The following PCDHGA4 variants were observed in gnomAD, a reference collection of about 807,000 sequenced individuals.
The protein encoded by PCDHGA4 is protocadherin gamma-A4.
PCDHGA4 carries 38 observed loss-of-function variants against 54.6 expected under a neutral mutation model. The observed-to-expected ratio is 0.70, with a 90% CI of 0.54 to 0.91. The LOEUF (loss-of-function observed/expected upper bound fraction) is 0.91. Ranked by LOEUF, PCDHGA4 falls within the 40% of genes least tolerant of loss-of-function variation. PCDHGA4 has a pLI of 0.00. For synonymous variants in PCDHGA4, 511 were observed against 512.9 expected, an observed-to-expected ratio of 1.00 and a Z score of 0.05; for missense variants, 1,298 against 1,220.9, an observed-to-expected ratio of 1.06 and a Z score of -0.94.
intron 1 of PCDHGA4, chr5:141,366,009 C>T (rs750100968): frequency 6.2e-6 from 10 of 1,614,108 alleles, no homozygotes; most frequent in African/African-American, 2.7e-5. Flanking sequence ...GACAATACGC[C>T]TGAGATCCTG....
At position 141,432,394 on chromosome 5, in the gene PCDHGA4, C is replaced by G; in HGVS notation, c.2515-62413C>G. 1 of 1,614,260 alleles carries G rather than the reference C, an allele frequency of 6.2e-7. No individual in the cohort carries two copies. The highest frequency in any genetic ancestry group is 8.5e-7 in the Non-Finnish European group (1 of 1,180,050). On this transcript the variant is annotated intron_variant, in intron 1 of 3. Transcript: ENST00000571252. This position sits in a 1 kb window ranked among gnomAD's most constrained non-coding sequence, Gnocchi z 6.0. The stretch of plus-strand genomic sequence containing the variant: ...ACGGGCACCCGCCCCTCAGCAGCAA[C>G]GTGTCGTTGAGCCTGTTCGTGCTGG...
Position 141,356,187 on chromosome 5 carries a change from T to A in PCDHGA4, c.1080T>A (p.Ala360=). Residue 360 remains alanine, a synonymous_variant, in exon 1 of 4, where the codon GCT becomes GCA. Coordinates refer to ENST00000571252, the MANE Select transcript of PCDHGA4 (RefSeq NM_018917.4). The part of the protein sequence containing the change: ...VEAHDGPGLR[A]RSKVLVTVLD... ...CCCATGATGGGCCTGGTCTCCGAGCTAGAAGCAAGGTACTGGTGACAGTTC... is the reference window on the plus strand; with the variant it reads ...CCCATGATGGGCCTGGTCTCCGAGCAAGAAGCAAGGTACTGGTGACAGTTC... 1 of 1,611,210 alleles carries A rather than the reference T, an allele frequency of 6.2e-7. No individual in the cohort carries two copies. Among genetic ancestry groups the A allele is most frequent in the Non-Finnish European group, 8.5e-7 (1 of 1,178,498 alleles).
chr5:141,421,272 G>A, intron 1 of PCDHGA4: 1 of 1,612,340 alleles, frequency 6.2e-7, no homozygotes, highest in Non-Finnish European at 8.5e-7. Context: ...GGCTGCTGCT[G>A]CTGCTGTGCA....
At position 141,494,854 on chromosome 5, in the gene PCDHGA4, C is replaced by T. The variant is rs1353498253; in HGVS notation, c.2562C>T (p.Pro854=). ...TDWRFSQAQR[P]GTSGSQNGDD... The stretch of plus-strand genomic sequence containing the variant: ...GGCGTTTCTCTCAGGCCCAGAGACC[C>T]GGCACCAGCGGGTAGGTGACTGATT... The change falls in exon 2 of 4, where the codon CCC becomes CCT. Residue 854 remains proline (P), a synonymous_variant. Coordinates refer to ENST00000571252, the MANE Select transcript of PCDHGA4 (RefSeq NM_018917.4). 1.2e-6 allele frequency: 2 copies of T among 1,614,120 alleles called. No homozygotes were observed. Among genetic ancestry groups the T allele is most frequent in the East Asian group, 2.2e-5 (1 of 44,870 alleles).
intron 1 of PCDHGA4, chr5:141,362,322 T>A (rs369360424): frequency 5.1e-5 from 83 of 1,614,066 alleles, no homozygotes; most frequent in Admixed American, 1.3e-4. Context: ...GTTTTCAGCC[T>A]GGTCTCAGCT....
intron 1 of PCDHGA4, among the ~76,000 whole-genome samples, chr5:141,466,735 T>C (rs2099128254): frequency 6.6e-6 from 1 of 152,224 alleles, no homozygotes; most frequent in South Asian, 2.1e-4. Context: ...GCAGAATTCA[T>C]GTTACTCTGA....
Position 141,485,790 on chromosome 5 carries a change from C to G in PCDHGA4, c.2515-9017C>G. 6.2e-7 allele frequency: 1 copy of G among 1,614,204 alleles called. No homozygotes were observed. The highest frequency in any genetic ancestry group is 8.5e-7 in the Non-Finnish European group (1 of 1,180,032). ...AAGCCTTTGGATCGAGAGAAGCAAT[C>G]GGACTACCGCCTGGTGCTGACTGCT... On this transcript the variant is annotated intron_variant, in intron 1 of 3. Transcript: ENST00000571252. This position sits in a 1 kb window ranked among gnomAD's most constrained non-coding sequence, Gnocchi z 5.7.
chr5:141,387,736 A>C, intron 1 of PCDHGA4: 3 of 1,307,572 alleles, frequency 2.3e-6, no homozygotes, highest in East Asian at 2.5e-5. Flanking sequence ...GCCAGCCTTT[A>C]CACCGCTTCC....
At position 141,489,586 on chromosome 5, in the gene PCDHGA4, C is replaced by T; in HGVS notation, c.2515-5221C>T. 1 of 1,614,082 alleles carries T rather than the reference C, an allele frequency of 6.2e-7. No individual in the cohort carries two copies. The highest frequency in any genetic ancestry group is 8.5e-7 in the Non-Finnish European group (1 of 1,179,988). On this transcript the variant is annotated intron_variant, in intron 1 of 3. Coordinates refer to ENST00000571252, the MANE Select transcript of PCDHGA4 (RefSeq NM_018917.4). This position sits in a 1 kb window ranked among gnomAD's most constrained non-coding sequence, Gnocchi z 4.5. ...GGTGGTGACTGAACACCCCCTGGAG[C>T]TAATCCGTGTAGAGGTAGAGATCCT...
chr5:141,416,747 T>A (rs920641906), intron 1 of PCDHGA4: 2 of 152,240 alleles, frequency 1.3e-5, no homozygotes, highest in African/African-American at 4.8e-5. Flanking sequence ...AATAGTGACG[T>A]ATTAGGTAGA....
intron 1 of PCDHGA4, chr5:141,366,989 A>G (rs546484165): frequency 2.1e-6 from 1 of 480,916 alleles, no homozygotes; most frequent in African/African-American, 2.0e-5. Flanking sequence ...GAAAGTGGTT[A>G]AATATAATCA....
chr5:141,402,281 C>A (rs1589453227), intron 1 of PCDHGA4, among the ~76,000 whole-genome samples: 1 of 151,846 alleles, frequency 6.6e-6, no homozygotes, highest in African/African-American at 2.4e-5. Flanking sequence ...AGTGGATAAT[C>A]TATCCTTATA....
intron 1 of PCDHGA4, chr5:141,389,495 G>A (rs751415442): frequency 4.3e-6 from 7 of 1,613,020 alleles, no homozygotes; most frequent in Non-Finnish European, 5.9e-6. Context: ...ACCAGGGCTC[G>A]CCAGCGCTCA....
intron 1 of PCDHGA4, chr5:141,374,617 C>A (rs981307720): frequency 3.7e-6 from 6 of 1,613,400 alleles, no homozygotes; most frequent in African/African-American, 1.3e-5. Flanking sequence ...ATAGTCACTT[C>A]TCAGTGGACG....
chr5:141,378,356 C>G (rs1244158802), intron 1 of PCDHGA4: 2 of 152,218 alleles, frequency 1.3e-5, no homozygotes, highest in African/African-American at 4.8e-5. Flanking sequence ...AACCCCGTCT[C>G]TACTAAAAAT....
At chr5:141,362,420 A>T in intron 1 of PCDHGA4, 1 of 1,614,046 alleles carries the variant, frequency 6.2e-7, no homozygotes, top group Non-Finnish European at 8.5e-7. Context: ...CAATCAGCCA[A>T]GACAGAGTTC....
chr5:141,355,674 T>C lies in PCDHGA4; in HGVS notation c.567T>C (p.Phe189=). 1 of 1,614,040 alleles carries C rather than the reference T, an allele frequency of 6.2e-7. No individual in the cohort carries two copies. The highest frequency in any genetic ancestry group is 2.2e-5 in the East Asian group (1 of 44,880). Residue 189 remains phenylalanine, a synonymous_variant, in exon 1 of 4, where the codon TTT becomes TTC. Transcript: ENST00000571252. Reference sequence around the variant, plus strand: ...CAAGATTTCCTCTTCCTGAAGCTTTTGATCCGGATGTAGGTGTAAACTCCC... The same window carrying C: ...CAAGATTTCCTCTTCCTGAAGCTTTCGATCCGGATGTAGGTGTAAACTCCC... The part of the protein sequence containing the change: ...PGARFPLPEA[F]DPDVGVNSLQ...
intron 1 of PCDHGA4, among the ~76,000 whole-genome samples, chr5:141,465,683 A>G (rs2099107378): frequency 6.6e-6 from 1 of 152,236 alleles, no homozygotes; most frequent in African/African-American, 2.4e-5. Context: ...GCTCTTGACC[A>G]GTCTGCTTTT....
chr5:141,480,402 G>A (rs1268532373), intron 1 of PCDHGA4, among the ~76,000 whole-genome samples: 2 of 145,838 alleles, frequency 1.4e-5, no homozygotes, highest in African/African-American at 2.6e-5. Flanking sequence ...GCAATAGAGT[G>A]AGACCCTGTC....
Sources: gnomAD v4.1 joint callset for allele counts (sites outside exome capture counted in the v4.1 genomes callset) on GRCh38, gnomAD v4.1.1 for gene constraint, Gnocchi (gnomAD v3.1) non-coding constraint, MANE v1.5 for transcripts, NCBI Gene and HGNC (gene_info 2026-07-23, HGNC 2026-07-21) for gene names.